ATRX: variants seen among roughly 807,000 people sequenced by gnomAD.
ATRX encodes chromatin remodeler ATRX.
Under a neutral mutation model 172.6 loss-of-function variants are expected in ATRX, and 12 were observed. That is an observed-to-expected ratio of 0.07 (90% CI 0.04 to 0.11). The LOEUF (loss-of-function observed/expected upper bound fraction) is 0.11, where lower values mean the gene tolerates loss of function less well. Among genes scored for constraint, ATRX ranks in the 10% least tolerant of loss-of-function variants. ATRX has a pLI of 1.00. For missense variants in ATRX, 1,368 were observed against 1,767.4 expected (o/e 0.77, Z 4.05); for synonymous variants, 674 against 594.7 (o/e 1.13, Z -1.94).
chrX:77,526,532 A>G (rs954644486), intron 30 of ATRX, among the ~76,000 whole-genome samples: 1 of 111,863 alleles, frequency 8.9e-6, no homozygotes, highest in African/African-American at 3.2e-5. Context: ...CGAACTCCTG[A>G]CCTCAAGTGA....
rs782179766 is a variant in ATRX, at chrX:77,727,316, A to C, written c.21-10073T>G. On this transcript the variant is annotated intron_variant, in intron 1 of 34. Transcript: ENST00000373344. Reference sequence around the variant, plus strand: ...AATTAGAAATACCATTTGACCCAGCAATCCCATTACTGGGTATATACCCAA... The same window carrying C: ...AATTAGAAATACCATTTGACCCAGCCATCCCATTACTGGGTATATACCCAA... Among the ~76,000 whole-genome samples, 9 of 111,748 alleles carry C rather than the reference A, an allele frequency of 8.1e-5. No homozygotes were observed. The South Asian group carries it at 2.3e-3, about 28-fold the overall frequency.
intron 1 of ATRX, among the ~76,000 whole-genome samples, chrX:77,769,482 T>C (rs1166695564): frequency 9.1e-6 from 1 of 110,270 alleles, no homozygotes; most frequent in Non-Finnish European, 1.9e-5. Flanking sequence ...AGAGACAGGG[T>C]TTCACCATGT....
At chrX:77,539,237 A>C (rs2063874592) in intron 30 of ATRX, among the ~76,000 whole-genome samples, 1 of 111,229 alleles carries the variant, frequency 9.0e-6, no homozygotes, top group African/African-American at 3.3e-5. Flanking sequence ...ACAAAGGAAT[A>C]ATATCATCTA....
intron 1 of ATRX, among the ~76,000 whole-genome samples, chrX:77,744,094 T>C (rs988186545): frequency 8.9e-6 from 1 of 112,156 alleles, no homozygotes; most frequent in Non-Finnish European, 1.9e-5. Flanking sequence ...GGAGAGAGGA[T>C]TGCTTGAGAC....
chrX:77,564,860 A>C (rs2065142983), intron 28 of ATRX, among the ~76,000 whole-genome samples: 1 of 111,745 alleles, frequency 8.9e-6, no homozygotes, highest in Non-Finnish European at 1.9e-5. Flanking sequence ...CAAACAGTAC[A>C]GCAAAAAATG....
rs1351561785 is a variant in ATRX at position 77,646,855 on chromosome X, C to T, written c.4557+5259G>A. ...GGAGGATCACTTGAGCCCAGGAGTT[C>T]GAGGCTACAGTGAGCTATGATCACG... On this transcript the variant is annotated intron_variant, in intron 15 of 34. Coordinates refer to ENST00000373344, the MANE Select transcript of ATRX (RefSeq NM_000489.6). Among the ~76,000 whole-genome samples the T allele has an allele frequency of 1.2e-4, 13 of 107,774 alleles. No individual in the cohort carries two copies. The South Asian group carries it at 1.2e-3, about 10-fold the overall frequency. 93.6% of individuals were successfully genotyped at this position (107,774 alleles called of 115,157 possible).
rs1286155259 is a variant in ATRX, at chrX:77,507,987, T to C, written c.*364A>G. 5.1e-6 allele frequency: 1 copy of C among 196,544 alleles called. No individual in the cohort carries two copies. The highest frequency in any genetic ancestry group is 6.9e-5 in the Admixed American group (1 of 14,439). 16.2% of individuals were successfully genotyped at this position (196,544 alleles called of 1,213,427 possible). ...TATGTAAAGAATGAATATATAAATCTTTATTCTTTCCTAAATTTATTAATT... is the reference window on the plus strand; with the variant it reads ...TATGTAAAGAATGAATATATAAATCCTTATTCTTTCCTAAATTTATTAATT... On this transcript the variant is annotated 3_prime_UTR_variant, in exon 35 of 35. Transcript: ENST00000373344.
At chrX:77,523,510 A>T (rs1404472967) in intron 30 of ATRX, 109 bp from the exon 31 acceptor site, 2 of 799,079 alleles carry the variant, frequency 2.5e-6, no homozygotes, top group Non-Finnish European at 3.6e-6. Flanking sequence ...TGATTGCTAT[A>T]TATATTTCTG....
At chrX:77,678,221 CAAAA>C in intron 9 of ATRX, among the ~76,000 whole-genome samples, 1 of 52,696 alleles carries the variant, frequency 1.9e-5, no homozygotes. Context: ...GACTTCAACT[CAAAA>C]AAAAAAAAAA....
chrX:77,699,132 C>T (rs2072357143), intron 2 of ATRX, among the ~76,000 whole-genome samples: 1 of 109,978 alleles, frequency 9.1e-6, no homozygotes, highest in Admixed American at 9.7e-5. Context: ...AGTTCTTTTC[C>T]TTTTCCTCCT....
chrX:77,616,584 A>G (rs1366893552), intron 22 of ATRX, 29 bp downstream of exon 22: 2 of 1,149,181 alleles, frequency 1.7e-6, no homozygotes, highest in South Asian at 1.8e-5. Context: ...TTTATAGAGA[A>G]GATGAAATCA....
chrX:77,641,821 C>T (rs782515843), intron 15 of ATRX, among the ~76,000 whole-genome samples: 1 of 110,039 alleles, frequency 9.1e-6, no homozygotes, highest in Non-Finnish European at 1.9e-5. Flanking sequence ...ACCTATGGAA[C>T]AATATTAAAG....
intron 1 of ATRX, among the ~76,000 whole-genome samples, chrX:77,767,267 G>T (rs782551890): frequency 3.7e-5 from 4 of 108,326 alleles, no homozygotes; most frequent in African/African-American, 1.3e-4. Flanking sequence ...GGGAGAGAGG[G>T]AGAGGGGGAG....
rs1557192211 is a variant in ATRX at position 77,760,358 on chromosome X, CAAGAACA to C, written c.20+25617_20+25623del. On this transcript the variant is annotated intron_variant, in intron 1 of 34. Transcript: ENST00000373344. Reference sequence around the variant, plus strand: ...AAATTTCATTCTCAGTAAACTATCGCAAGAACAAAAAACCAAACACCACATATTCTCA... The same window carrying C: ...AAATTTCATTCTCAGTAAACTATCGCAAAAACCAAACACCACATATTCTCA... Among the ~76,000 whole-genome samples, 3 of 104,286 alleles carry C rather than the reference CAAGAACA, an allele frequency of 2.9e-5. No individual in the cohort carries two copies. The Admixed American group carries it at 3.2e-4, about 11-fold the overall frequency. The allele number at this position is 104,286 out of a possible 115,157, so 90.6% of individuals were successfully genotyped here. A position where few individuals can be genotyped will look rare whatever the true frequency, so the allele number is the denominator to read the frequency against.
intron 12 of ATRX, among the ~76,000 whole-genome samples, chrX:77,662,393 T>C (rs1265494530): frequency 2.7e-5 from 3 of 112,304 alleles, no homozygotes; most frequent in African/African-American, 9.7e-5. Context: ...GTTCTGCATA[T>C]AAGCTTGCAT....
chrX:77,579,316 G>T (rs1009228743), intron 27 of ATRX, among the ~76,000 whole-genome samples: 3 of 112,069 alleles, frequency 2.7e-5, no homozygotes, highest in Non-Finnish European at 5.6e-5. Context: ...ACCAGGTAGT[G>T]GTTACAGTGG....
intron 2 of ATRX, among the ~76,000 whole-genome samples, chrX:77,711,332 G>A (rs782668987): frequency 9.0e-5 from 10 of 111,270 alleles, no homozygotes; most frequent in Middle Eastern, 4.6e-3. Context: ...ATGTAATACT[G>A]GAAAATACAG....
chrX:77,736,316 T>C (rs1197240472), intron 1 of ATRX, among the ~76,000 whole-genome samples: 1 of 111,937 alleles, frequency 8.9e-6, no homozygotes, highest in Non-Finnish European at 1.9e-5. Context: ...AAACTATCCA[T>C]CTAACAAGCG....
chrX:77,581,007 T>C (rs1194929208), intron 27 of ATRX, among the ~76,000 whole-genome samples: 4 of 111,793 alleles, frequency 3.6e-5, no homozygotes, highest in Non-Finnish European at 7.5e-5. Context: ...CTTACAATAA[T>C]GGGTTTTAAG....
Sources: gnomAD v4.1 joint callset for allele counts (sites outside exome capture counted in the v4.1 genomes callset) on GRCh38, gnomAD v4.1.1 for gene constraint, MANE v1.5 for transcripts, NCBI Gene and HGNC (gene_info 2026-07-23, HGNC 2026-07-21) for gene names.